The following MKLN1 variants were observed in gnomAD, a reference collection of about 807,000 sequenced individuals.
MKLN1 encodes muskelin 1.
In MKLN1, 18 loss-of-function variants were observed where a neutral mutation model predicts 99.0. The ratio of observed to expected loss-of-function variants is 0.18; its 90% CI spans 0.13 to 0.27. The LOEUF (loss-of-function observed/expected upper bound fraction) is 0.27, where lower values mean the gene tolerates loss of function less well. MKLN1 is among the 10% of genes least tolerant of loss of function. The pLI, the probability that MKLN1 is intolerant of heterozygous loss-of-function variation, is 1.00. For synonymous variants in MKLN1, 288 were observed against 293.2 expected (o/e 0.98, Z 0.18); for missense variants, 621 against 875.9 (o/e 0.71, Z 3.67).
chr7:131,469,783 T>A (rs771005889), intron 15 of MKLN1, among the ~76,000 whole-genome samples: 2 of 152,234 alleles, frequency 1.3e-5, no homozygotes, highest in Non-Finnish European at 2.9e-5. Flanking sequence ...AACAGAGACG[T>A]TATCTTTTTC....
At chr7:131,219,359 T>G (rs1390782766) in intron 3 of MKLN1, among the ~76,000 whole-genome samples, 3 of 152,172 alleles carry the variant, frequency 2.0e-5, no homozygotes, top group African/African-American at 7.2e-5. Flanking sequence ...CCCCATCCTG[T>G]GTCCTACACA....
chr7:131,156,526 T>C (rs757616476), intron 2 of MKLN1, among the ~76,000 whole-genome samples: 1 of 151,908 alleles, frequency 6.6e-6, no homozygotes, highest in Non-Finnish European at 1.5e-5. Context: ...TCTTCATCTT[T>C]TCCTGGGCTA....
At chr7:131,223,125 G>T (rs1306110517) in intron 3 of MKLN1, among the ~76,000 whole-genome samples, 1 of 152,142 alleles carries the variant, frequency 6.6e-6, no homozygotes, top group African/African-American at 2.4e-5. Flanking sequence ...CATAGGAAAG[G>T]ATACTACTTT....
intron 16 of MKLN1, among the ~76,000 whole-genome samples, chr7:131,474,282 TG>T (rs1228825629): frequency 6.6e-6 from 1 of 152,200 alleles, no homozygotes; most frequent in African/African-American, 2.4e-5. Context: ...GGTTTTGGCC[TG>T]AAAAACTGGA....
intron 1 of MKLN1, among the ~76,000 whole-genome samples, chr7:131,353,099 T>C (rs1799767387): frequency 1.3e-5 from 2 of 152,180 alleles, no homozygotes; most frequent in Admixed American, 1.3e-4. Context: ...GGTTTTTGTT[T>C]GAACATAGGT....
intron 1 of MKLN1, among the ~76,000 whole-genome samples, chr7:131,338,215 A>G (rs1443682975): frequency 6.6e-6 from 1 of 152,222 alleles, no homozygotes; most frequent in Non-Finnish European, 1.5e-5. Flanking sequence ...AAAAGCTGAT[A>G]AATCCCTTAA....
At chr7:131,383,369 A>G (rs892724601) in intron 2 of MKLN1, among the ~76,000 whole-genome samples, 4 of 152,286 alleles carry the variant, frequency 2.6e-5, no homozygotes, top group African/African-American at 7.2e-5. Flanking sequence ...AGGAAAGCCT[A>G]TTTAGCTTCT....
chr7:131,402,985 C>T (rs535954312), intron 6 of MKLN1, among the ~76,000 whole-genome samples: 3 of 152,184 alleles, frequency 2.0e-5, no homozygotes, highest in South Asian at 2.1e-4. Context: ...TGCATTAAAC[C>T]CTTGCAAGAC....
At chr7:131,195,194 G>A (rs568100663) in intron 2 of MKLN1, among the ~76,000 whole-genome samples, 4 of 152,108 alleles carry the variant, frequency 2.6e-5, no homozygotes, top group Non-Finnish European at 5.9e-5. Flanking sequence ...AAGAGGAGAC[G>A]CGTTAAAGAA....
Position 131,396,253 on chromosome 7 carries a change from A to G in MKLN1, c.401-1014A>G, listed in dbSNP as rs1016973618. 4.6e-5 allele frequency among the ~76,000 whole-genome samples: 7 copies of G among 152,092 alleles called. 2 individuals carry two copies. The highest frequency in any genetic ancestry group is 3.9e-4 in the Admixed American group (6 of 15,260). On this transcript the variant is annotated intron_variant, in intron 4 of 17. Transcript: ENST00000352689. ...ATGACTGGCTATTTTTTCTATTTTTAGTGGAGACAGAGTTTCACTGTGTTT... is the reference window on the plus strand; with the variant it reads ...ATGACTGGCTATTTTTTCTATTTTTGGTGGAGACAGAGTTTCACTGTGTTT...
chr7:131,160,467 T>C (rs1796029651), intron 2 of MKLN1, among the ~76,000 whole-genome samples: 1 of 146,956 alleles, frequency 6.8e-6, no homozygotes, highest in South Asian at 2.1e-4. Context: ...GAACTCTATG[T>C]TTAACTTATT....
intron 2 of MKLN1, among the ~76,000 whole-genome samples, chr7:131,157,789 G>C (rs913498329): frequency 1.3e-5 from 2 of 152,150 alleles, no homozygotes; most frequent in Non-Finnish European, 2.9e-5. Flanking sequence ...GAAAGAGGTA[G>C]AGAGACCTCA....
At chr7:131,451,371 A>G (rs997278285) in intron 12 of MKLN1, among the ~76,000 whole-genome samples, 1 of 152,072 alleles carries the variant, frequency 6.6e-6, no homozygotes. Flanking sequence ...TATATTTACA[A>G]TGTGAGTATC....
At chr7:131,230,345 G>A (rs1299946182) in intron 3 of MKLN1, among the ~76,000 whole-genome samples, 1 of 152,076 alleles carries the variant, frequency 6.6e-6, no homozygotes. Context: ...GGCCAAAAGG[G>A]GGTCTGTTTA....
chr7:131,421,089 G>A (rs889106952), intron 8 of MKLN1, among the ~76,000 whole-genome samples: 1 of 152,016 alleles, frequency 6.6e-6, no homozygotes, highest in Non-Finnish European at 1.5e-5. Flanking sequence ...TCATTACTTC[G>A]GGATCTAGGT....
At chr7:131,483,013 C>A (rs1303220482) in intron 17 of MKLN1, among the ~76,000 whole-genome samples, 1 of 152,226 alleles carries the variant, frequency 6.6e-6, no homozygotes, top group Non-Finnish European at 1.5e-5. Flanking sequence ...TTCAGAGCGC[C>A]TTTTCTAAAC....
intron 3 of MKLN1, among the ~76,000 whole-genome samples, chr7:131,278,800 A>G (rs2129562): frequency 0.46 from 70,023 of 151,452 alleles, 19,408 homozygotes; most frequent in Admixed American, 0.63. Flanking sequence ...GGGTCTTACT[A>G]CGTTGCCCAG....
intron 3 of MKLN1, among the ~76,000 whole-genome samples, chr7:131,311,391 A>C (rs1798561284): frequency 1.3e-5 from 2 of 152,180 alleles, no homozygotes; most frequent in Admixed American, 1.3e-4. Context: ...TTAACATAAT[A>C]ATCATAATTA....
chr7:131,244,710 G>GC (rs1280875083), intron 3 of MKLN1, among the ~76,000 whole-genome samples: 4 of 152,182 alleles, frequency 2.6e-5, no homozygotes, highest in Admixed American at 2.6e-4. Flanking sequence ...GCATGCAGTT[G>GC]CCTCAAAAGG....
Sources: gnomAD v4.1 joint callset for allele counts (sites outside exome capture counted in the v4.1 genomes callset) on GRCh38, gnomAD v4.1.1 for gene constraint, MANE v1.5 for transcripts, NCBI Gene and HGNC (gene_info 2026-07-23, HGNC 2026-07-21) for gene names.